EIF5B: variants seen among roughly 807,000 people sequenced by gnomAD.
EIF5B encodes eIF-5B.
EIF5B carries 47 observed loss-of-function variants against 147.5 expected under a neutral mutation model. The ratio of observed to expected loss-of-function variants is 0.32; its 90% CI spans 0.25 to 0.41. The LOEUF (loss-of-function observed/expected upper bound fraction) is 0.41, where lower values mean the gene tolerates loss of function less well. Ranked by LOEUF, EIF5B falls within the 10% of genes least tolerant of loss-of-function variation. EIF5B has a pLI of 1.00. For missense variants in EIF5B, 1,064 were observed against 1,413.2 expected (o/e 0.75, Z 3.96); for synonymous variants, 455 against 456.2 (o/e 1.00, Z 0.03).
chr2:99,337,425 G>T lies in EIF5B; in HGVS notation c.-130G>T. ...GTCCTGTTCCAGTGCGCGGGTCTGT[G>T]GAGAGCCGGGTGCGAGCGGCGGCAG... is the stretch of plus-strand genomic sequence containing the variant. On this transcript the variant is annotated 5_prime_UTR_variant, in exon 1 of 24. Coordinates refer to ENST00000289371, the MANE Select transcript of EIF5B (RefSeq NM_015904.4). 1.7e-6 allele frequency: 2 copies of T among 1,178,628 alleles called. No individual in the cohort carries two copies. The allele number at this position is 1,178,628 out of a possible 1,614,324, so 73.0% of individuals were successfully genotyped here.
chr2:99,360,574 A>C, intron 3 of EIF5B, 25 bp downstream of exon 3: 1 of 1,597,496 alleles, frequency 6.3e-7, no homozygotes, highest in Non-Finnish European at 8.5e-7. Context: ...TTTGTTACCT[A>C]TTCGTATTTC....
intron 14 of EIF5B, among the ~76,000 whole-genome samples, chr2:99,389,241 G>A (rs1362493849): frequency 6.6e-6 from 1 of 152,154 alleles, no homozygotes; most frequent in East Asian, 1.9e-4. Flanking sequence ...GTTGAAAAGT[G>A]AGGGAAAATA....
chr2:99,348,915 C>T (rs1269177930), intron 1 of EIF5B, among the ~76,000 whole-genome samples: 4 of 152,178 alleles, frequency 2.6e-5, no homozygotes, highest in African/African-American at 9.7e-5. Flanking sequence ...CATAACAAGT[C>T]ATCCCAAACA....
At chr2:99,362,960 T>C (rs1440309726) in intron 4 of EIF5B, among the ~76,000 whole-genome samples, 1 of 151,990 alleles carries the variant, frequency 6.6e-6, no homozygotes, top group Non-Finnish European at 1.5e-5. Flanking sequence ...GGTTTCGTCA[T>C]GTTCGCCAGG....
rs750766268 is a variant in EIF5B at position 99,390,201 on chromosome 2, G to A, written c.2404-18G>A. 1.2e-6 allele frequency: 2 copies of A among 1,613,006 alleles called. No homozygotes were observed. The highest frequency in any genetic ancestry group is 1.3e-5 in the African/African-American group (1 of 74,992). On this transcript the variant is annotated intron_variant, in intron 15 of 23. Transcript: ENST00000289371. ...GTTTTCTTTACAGCCTGGCATTTTG[G>A]ATGATTTTTGCTCCTAGGGTTTGAA...
intron 1 of EIF5B, among the ~76,000 whole-genome samples, chr2:99,346,224 C>G (rs886131537): frequency 1.3e-5 from 2 of 152,152 alleles, no homozygotes; most frequent in Non-Finnish European, 2.9e-5. Flanking sequence ...TTCTGTGTCT[C>G]TAGAGTACCA....
chr2:99,382,283 A>G (rs1336975542), intron 13 of EIF5B, 57 bp downstream of exon 13: 1 of 1,487,684 alleles, frequency 6.7e-7, no homozygotes, highest in Non-Finnish European at 9.4e-7. Flanking sequence ...CATTAAGTCT[A>G]AAAGTTCAGC....
intron 21 of EIF5B, 49 bp from the exon 22 acceptor site, chr2:99,396,711 T>C (rs1675056305): frequency 6.5e-7 from 1 of 1,543,734 alleles, no homozygotes; most frequent in South Asian, 1.3e-5. Context: ...TTTCTTTTTA[T>C]GTTTAAGTGA....
intron 6 of EIF5B, among the ~76,000 whole-genome samples, chr2:99,365,071 T>C (rs1674299796): frequency 6.6e-6 from 1 of 152,176 alleles, no homozygotes; most frequent in Non-Finnish European, 1.5e-5. Context: ...TAAAATAGTG[T>C]CTTTGCTCCA....
At position 99,348,565 on chromosome 2, in the gene EIF5B, G is replaced by A. The variant is rs564122394; in HGVS notation, c.35+10976G>A. Among the ~76,000 whole-genome samples, 7 of 152,292 alleles carry A rather than the reference G, an allele frequency of 4.6e-5. No individual in the cohort carries two copies. The South Asian group carries it at 1.2e-3, about 27-fold the overall frequency. On this transcript the variant is annotated intron_variant, in intron 1 of 23. Transcript: ENST00000289371. ...TAGAGAAGGTGGGACTGAATTTCCC[G>A]GTTTCTCTTATTGCAGCTGTTACTG... is the stretch of plus-strand genomic sequence containing the variant.
At chr2:99,365,266 T>G (rs1283354820) in intron 6 of EIF5B, among the ~76,000 whole-genome samples, 1 of 152,152 alleles carries the variant, frequency 6.6e-6, no homozygotes, top group Non-Finnish European at 1.5e-5. Flanking sequence ...TAAAAAAATC[T>G]TATAGCTATT....
At chr2:99,381,086 TA>T (rs1488850784) in intron 12 of EIF5B, among the ~76,000 whole-genome samples, 2 of 152,224 alleles carry the variant, frequency 1.3e-5, no homozygotes, top group African/African-American at 4.8e-5. Context: ...GGTGTTCTAT[TA>T]TAATATGTAG....
Position 99,401,314 on chromosome 2 carries a change from G to A in EIF5B, c.*1900G>A. On this transcript the variant is annotated 3_prime_UTR_variant, in exon 24 of 24. Coordinates refer to ENST00000289371, the MANE Select transcript of EIF5B (RefSeq NM_015904.4). ...GACATTGTCAAGAATAAAGTCAAATGCCATATTCCAAACCGATTCCACCGA... is the reference window on the plus strand; with the variant it reads ...GACATTGTCAAGAATAAAGTCAAATACCATATTCCAAACCGATTCCACCGA... The A allele has an allele frequency of 6.2e-7, 1 of 1,613,706 alleles. No homozygotes were observed. The highest frequency in any genetic ancestry group is 8.5e-7 in the Non-Finnish European group (1 of 1,179,746).
chr2:99,339,339 A>G (rs147501098), intron 1 of EIF5B, among the ~76,000 whole-genome samples: 118 of 151,934 alleles, frequency 7.8e-4, no homozygotes, highest in African/African-American at 2.6e-3. Flanking sequence ...TTTAAAGCAA[A>G]TCTCATTAGC....
chr2:99,376,218 A>T (rs1674561414), intron 9 of EIF5B, 129 bp from the exon 10 acceptor site: 2 of 584,772 alleles, frequency 3.4e-6, no homozygotes. Context: ...GTGTGGCCCA[A>T]GACAATTCTT....
chr2:99,394,386 A>C lies in EIF5B; in HGVS notation c.3000A>C (p.Thr1000=). ...AAGCTCTACTGGAATTTCTGAAAAC[A>C]TCAGAAGTGCCCGTAAGTAACTACA... The part of the protein sequence containing the change: ...SLEALLEFLK[T]SEVPYAGINI... The change falls in exon 19 of 24, where the codon ACA becomes ACC. Residue 1000 remains threonine, a synonymous_variant. Coordinates refer to ENST00000289371, the MANE Select transcript of EIF5B (RefSeq NM_015904.4). 6.2e-7 allele frequency: 1 copy of C among 1,614,012 alleles called. No homozygotes were observed. The highest frequency in any genetic ancestry group is 8.5e-7 in the Non-Finnish European group (1 of 1,179,978).
chr2:99,339,247 A>G (rs2094253466), intron 1 of EIF5B, among the ~76,000 whole-genome samples: 1 of 151,706 alleles, frequency 6.6e-6, no homozygotes, highest in Non-Finnish European at 1.5e-5. Context: ...TCCCGACCTC[A>G]GGTGATCCGC....
At chr2:99,375,007 T>C (rs1332329432) in intron 9 of EIF5B, among the ~76,000 whole-genome samples, 1 of 152,196 alleles carries the variant, frequency 6.6e-6, no homozygotes, top group African/African-American at 2.4e-5. Context: ...GATCCATCTT[T>C]TGAGTTCTCA....
intron 9 of EIF5B, among the ~76,000 whole-genome samples, chr2:99,375,445 C>T (rs1371778356): frequency 6.6e-6 from 1 of 152,200 alleles, no homozygotes; most frequent in South Asian, 2.1e-4. Context: ...CATCCTTATT[C>T]CTAGGGTACA....
Sources: gnomAD v4.1 joint callset for allele counts (sites outside exome capture counted in the v4.1 genomes callset) on GRCh38, gnomAD v4.1.1 for gene constraint, MANE v1.5 for transcripts, NCBI Gene and HGNC (gene_info 2026-07-23, HGNC 2026-07-21) for gene names.